The following DSE variants were observed in gnomAD, a reference collection of about 807,000 sequenced individuals.
DSE encodes the protein dermatan sulfate epimerase.
A neutral mutation model predicts 84.4 loss-of-function variants in DSE; 36 were observed. The observed-to-expected ratio is 0.43, with a 90% CI of 0.33 to 0.56. The LOEUF is 0.56. DSE is among the 20% of genes least tolerant of loss of function. The pLI is 0.06. For synonymous variants in DSE, 410 were observed against 430.1 expected, an observed-to-expected ratio of 0.95 and a Z score of 0.58; for missense variants, 862 against 1,169.6, an observed-to-expected ratio of 0.74 and a Z score of 3.84.
chr6:116,338,266 A>G (rs1226901990), intron 2 of DSE, among the ~76,000 whole-genome samples: 1 of 118,808 alleles, frequency 8.4e-6, no homozygotes, highest in Non-Finnish European at 1.6e-5. Flanking sequence ...CTTGTTGCCC[A>G]GGCTGGAGTG....
chr6:116,416,655 A>G (rs1782733730), intron 2 of DSE, among the ~76,000 whole-genome samples: 1 of 152,024 alleles, frequency 6.6e-6, no homozygotes, highest in African/African-American at 2.4e-5. Context: ...CAACATTTAT[A>G]TATTATATTT....
At position 116,399,113 on chromosome 6, in the gene DSE, A is replaced by G. The variant is rs1036657206; in HGVS notation, c.-53-85A>G. 2.3e-5 allele frequency: 25 copies of G among 1,076,844 alleles called. No homozygotes were observed. The African/African-American group carries it at 3.7e-4, about 16-fold the overall frequency. 66.7% of individuals were successfully genotyped at this position (1,076,844 alleles called of 1,614,324 possible). A position where few individuals can be genotyped will look rare whatever the true frequency, so the allele number is the denominator to read the frequency against. On this transcript the variant is annotated intron_variant, in intron 1 of 5. Transcript: ENST00000644252. ...AAATTCATAAGCTTTATTTTCACAT[A>G]TGGTTTCTACCTCTTATATGTTTCC...
chr6:116,278,398 T>A (rs1316477798), intron 2 of DSE: 1 of 1,312,782 alleles, frequency 7.6e-7, no homozygotes, highest in Non-Finnish European at 1.1e-6. Flanking sequence ...GGAAACAGGG[T>A]GCAGAAAAGT....
At chr6:116,374,733 T>G (rs972109120) in intron 1 of DSE, among the ~76,000 whole-genome samples, 7 of 152,182 alleles carry the variant, frequency 4.6e-5, no homozygotes, top group African/African-American at 1.7e-4. Flanking sequence ...TTGTTCATGC[T>G]AGCTCAGGTT....
At chr6:116,361,553 G>T (rs1778889428) in intron 2 of DSE, among the ~76,000 whole-genome samples, 1 of 152,130 alleles carries the variant, frequency 6.6e-6, no homozygotes, top group Admixed American at 6.5e-5. Context: ...CTGCTCAGGA[G>T]GCTAAGGTGA....
chr6:116,433,081 G>C (rs1783944752), intron 4 of DSE: 4 of 458,162 alleles, frequency 8.7e-6, no homozygotes, highest in Non-Finnish European at 1.6e-5. Flanking sequence ...GGAAGGCAGG[G>C]AATAGGTGTA....
intron 2 of DSE, among the ~76,000 whole-genome samples, chr6:116,425,252 T>C (rs1038419836): frequency 2.0e-5 from 3 of 152,262 alleles, no homozygotes; most frequent in African/African-American, 7.2e-5. Flanking sequence ...TTACATATTA[T>C]GTCTTACGAA....
chr6:116,377,966 C>A (rs1267996152), intron 1 of DSE, among the ~76,000 whole-genome samples: 3 of 152,002 alleles, frequency 2.0e-5, no homozygotes, highest in African/African-American at 7.3e-5. Flanking sequence ...TGATATCATT[C>A]CAGGTGGTAT....
At chr6:116,426,524 A>T (rs113394683) in intron 2 of DSE, 50 bp from the exon 3 acceptor site, 1 of 1,587,420 alleles carries the variant, frequency 6.3e-7, no homozygotes, top group Admixed American at 1.7e-5. Flanking sequence ...AAGTGTGGTG[A>T]AAGCTGTGAG....
intron 1 of DSE, among the ~76,000 whole-genome samples, chr6:116,379,836 A>G (rs1484688317): frequency 6.6e-6 from 1 of 152,180 alleles, no homozygotes; most frequent in Non-Finnish European, 1.5e-5. Context: ...GTTAAATTTC[A>G]TCTTGCAAAT....
intron 2 of DSE, among the ~76,000 whole-genome samples, chr6:116,416,244 AATCAT>A (rs1782700162): frequency 6.6e-6 from 1 of 152,062 alleles, no homozygotes; most frequent in Non-Finnish European, 1.5e-5. Context: ...CAAGGTTTTA[AATCAT>A]ATCTACAAAG....
At chr6:116,363,906 C>A (rs1562255136) in intron 2 of DSE, among the ~76,000 whole-genome samples, 1 of 152,100 alleles carries the variant, frequency 6.6e-6, no homozygotes, top group African/African-American at 2.4e-5. Flanking sequence ...ATGCACTTCC[C>A]AAAAGGAGAA....
intron 1 of DSE, among the ~76,000 whole-genome samples, chr6:116,377,295 TA>T (rs991859983): frequency 6.6e-6 from 1 of 152,214 alleles, no homozygotes; most frequent in African/African-American, 2.4e-5. Flanking sequence ...TCCTAACTTT[TA>T]AAAAGGAATT....
chr6:116,285,041 G>A (rs997915104), intron 2 of DSE, among the ~76,000 whole-genome samples: 1 of 152,110 alleles, frequency 6.6e-6, no homozygotes, highest in African/African-American at 2.4e-5. Flanking sequence ...ACCCAGTAAT[G>A]GGATGGCTGG....
intron 1 of DSE, among the ~76,000 whole-genome samples, chr6:116,375,822 T>C (rs1350546986): frequency 6.6e-6 from 1 of 152,148 alleles, no homozygotes; most frequent in Non-Finnish European, 1.5e-5. Flanking sequence ...TTTCAAAGAA[T>C]TCAAATATTT....
intron 4 of DSE, among the ~76,000 whole-genome samples, chr6:116,431,713 CAAAA>C (rs376536609): frequency 1.3e-5 from 2 of 151,794 alleles, no homozygotes; most frequent in Admixed American, 6.6e-5. Flanking sequence ...GAAAAGTAAA[CAAAA>C]AAAGTGCTGT....
chr6:116,412,000 GT>G (rs1279950837), intron 2 of DSE, among the ~76,000 whole-genome samples: 1 of 152,016 alleles, frequency 6.6e-6, no homozygotes, highest in Non-Finnish European at 1.5e-5. Context: ...TATTTATTCT[GT>G]TTTTTTGGCA....
intron 2 of DSE, among the ~76,000 whole-genome samples, chr6:116,281,104 G>A (rs1292907616): frequency 6.6e-6 from 1 of 152,162 alleles, no homozygotes; most frequent in Non-Finnish European, 1.5e-5. Flanking sequence ...AAGGAGGCAG[G>A]AGGGTCAGTC....
At chr6:116,392,405 C>T (rs918874181) in intron 1 of DSE, among the ~76,000 whole-genome samples, 2 of 152,112 alleles carry the variant, frequency 1.3e-5, no homozygotes, top group East Asian at 1.9e-4. Context: ...TCAATCTTGC[C>T]ATGGATATGG....
Sources: allele counts gnomAD v4.1 joint callset (sites outside exome capture counted in the v4.1 genomes callset), GRCh38; gene constraint gnomAD v4.1.1; transcripts MANE v1.5; gene names NCBI Gene and HGNC (gene_info 2026-07-23, HGNC 2026-07-21).